Variants in ZNF782 observed in about 807,000 individuals in gnomAD.
ZNF782 encodes the protein zinc finger protein 782.
Under a neutral mutation model 13.0 loss-of-function variants are expected in ZNF782, and 12 were observed. That is an observed-to-expected ratio of 0.92 (90% confidence interval 0.59 to 1.50). The LOEUF (loss-of-function observed/expected upper bound fraction) is 1.50, where lower values mean the gene tolerates loss of function less well. ZNF782 is among the 40% of genes most tolerant of loss of function. The pLI is 0.00. For missense variants in ZNF782, 770 were observed against 822.9 expected (o/e 0.94, Z 0.79); for synonymous variants, 284 against 283.0 (o/e 1.00, Z -0.04).
chr9:96,819,599 C>CCGCAATGT lies in ZNF782; in HGVS notation c.416_423dup (p.Gly142ThrfsTer12). 6.2e-7 allele frequency: 1 copy of CCGCAATGT among 1,613,936 alleles called. No homozygotes were observed. The highest frequency in any genetic ancestry group is 1.1e-5 in the South Asian group (1 of 90,988). ...AGGCTGAGCCCCTGGCAAGCAGACC[C>CCGCAATGT]CGCAATGTCACATTTACAAGGCATC... On this transcript the variant is annotated frameshift_variant, in exon 6 of 6. Transcript: ENST00000481138. LOFTEE classifies it low-confidence loss of function (END_TRUNC).
chr9:96,836,409 T>C (rs111345908), intron 4 of ZNF782, among the ~76,000 whole-genome samples: 25,919 of 151,822 alleles, frequency 0.17, 5,358 homozygotes, highest in African/African-American at 0.48. Flanking sequence ...GGGGTTTCAC[T>C]ATGTTGGTCT....
chr9:96,819,538 G>A lies in ZNF782; in HGVS notation c.485C>T (p.Ala162Val), dbSNP rs567511488. Residue 162 changes from alanine (A) to valine (V), a missense_variant, in exon 6 of 6, where the codon GCT becomes GTT. Ala to Val is a moderately conservative substitution (Grantham distance 64). Coordinates refer to ENST00000481138, the MANE Select transcript of ZNF782 (RefSeq NM_001001662.3). ...APHCQYSKEK[A>V]HERNVCDKWL... Reference sequence around the variant, plus strand: ...TTTGTCACAAACATTACGCTCATGAGCCTTTTCTTTTGAATACTGACAGTG... The same window carrying A: ...TTTGTCACAAACATTACGCTCATGAACCTTTTCTTTTGAATACTGACAGTG... 6.2e-7 allele frequency: 1 copy of A among 1,612,614 alleles called. No homozygotes were observed. The highest frequency in any genetic ancestry group is 8.5e-7 in the Non-Finnish European group (1 of 1,179,538).
At chr9:96,895,378 A>C in the ZNF782 span, 3 of 152,252 alleles carry the variant, frequency 2.0e-5, no homozygotes, top group Non-Finnish European at 4.4e-5. Context: ...TGTTCTGTAT[A>C]AAAAGAAGAA....
the ZNF782 span, chr9:96,910,084 T>G: frequency 3.3e-6 from 2 of 609,706 alleles, no homozygotes; most frequent in South Asian, 2.8e-5. Context: ...CCATGTCAGA[T>G]GCAGCTGTAG....
chr9:96,853,678 T>G (rs1338331167), intron 1 of ZNF782, among the ~76,000 whole-genome samples: 1 of 152,210 alleles, frequency 6.6e-6, no homozygotes, highest in Non-Finnish European at 1.5e-5. Context: ...TCCCTGAGTA[T>G]TTGGGGACAT....
the ZNF782 span, among the ~76,000 whole-genome samples, chr9:96,927,109 A>AT: frequency 6.6e-6 from 1 of 152,102 alleles, no homozygotes; most frequent in Admixed American, 6.5e-5. Context: ...GAGAATGAAG[A>AT]TTTTTTTAAA....
chr9:96,925,365 C>T, the ZNF782 span, among the ~76,000 whole-genome samples: 2 of 151,972 alleles, frequency 1.3e-5, no homozygotes, highest in African/African-American at 4.8e-5. Flanking sequence ...TGACCGGGCG[C>T]GGTGGCTCAC....
At chr9:96,821,364 G>C (rs1850409906) in intron 5 of ZNF782, among the ~76,000 whole-genome samples, 2 of 152,120 alleles carry the variant, frequency 1.3e-5, no homozygotes, top group South Asian at 4.1e-4. Context: ...TTTAGCCTTA[G>C]ACCTATGTAG....
chr9:96,880,268 A>G (rs188718618), upstream of ZNF782, among the ~76,000 whole-genome samples: 1 of 149,706 alleles, frequency 6.7e-6, no homozygotes, highest in East Asian at 2.0e-4. Flanking sequence ...CAATTTGTAT[A>G]GCTTTTCTTT....
rs1851500763 is a variant in ZNF782 at position 96,851,935 on chromosome 9, T to C, written c.15+12A>G. 1 of 1,613,672 alleles carries C rather than the reference T, an allele frequency of 6.2e-7. No individual in the cohort carries two copies. Among genetic ancestry groups the C allele is most frequent in the South Asian group, 1.1e-5 (1 of 91,072 alleles). ...ATTACAATACAAAGTGGGGAATGAA[T>C]AAAAAGCTTACCTGAAATGTGTTCA... On this transcript the variant is annotated intron_variant, in intron 3 of 5. Coordinates refer to ENST00000481138, the MANE Select transcript of ZNF782 (RefSeq NM_001001662.3).
chr9:96,865,678 C>G (rs1851747274), intron 1 of ZNF782, among the ~76,000 whole-genome samples: 1 of 152,106 alleles, frequency 6.6e-6, no homozygotes, highest in Admixed American at 6.5e-5. Flanking sequence ...GAGGTTGGAA[C>G]AGTTTGGAGG....
At chr9:96,924,659 C>CAT in the ZNF782 span, among the ~76,000 whole-genome samples, 4 of 149,928 alleles carry the variant, frequency 2.7e-5, no homozygotes, top group African/African-American at 9.9e-5. Context: ...CTTCACAACT[C>CAT]ACTCAATGAG....
chr9:96,894,939 G>A, the ZNF782 span: 1 of 152,178 alleles, frequency 6.6e-6, no homozygotes, highest in African/African-American at 2.4e-5. Context: ...GCCCAAGCAG[G>A]CTTCAAACTC....
In ZNF782 at chr9:96,844,836, A is replaced by G; in HGVS notation, c.142+54T>C. 4 of 1,612,830 alleles carry G rather than the reference A, an allele frequency of 2.5e-6. No individual in the cohort carries two copies. The South Asian group carries it at 3.3e-5, about 13-fold the overall frequency. The stretch of plus-strand genomic sequence containing the variant: ...TGGTACGGTATGGAGAGAGAGAAAG[A>G]GAGGAGAAACAGAACTGCACTCTGG... On this transcript the variant is annotated intron_variant, in intron 4 of 5. Transcript: ENST00000481138.
the ZNF782 span, chr9:96,903,160 C>T: frequency 6.6e-6 from 1 of 151,398 alleles, no homozygotes; most frequent in African/African-American, 2.4e-5. Flanking sequence ...AATGCAGATA[C>T]AAAAGAGCTC....
In ZNF782 at chr9:96,827,081, T is replaced by C. The variant is rs769494333; in HGVS notation, c.243A>G (p.Pro81=). 3.9e-5 allele frequency: 62 copies of C among 1,602,824 alleles called. No individual in the cohort carries two copies. The highest frequency in any genetic ancestry group is 5.2e-5 in the Non-Finnish European group (61 of 1,172,040). ...TTCTTGTTGAATTCAGTAACTCACC[T>C]GGGGAGTTCCTGCTTAGAAATCCTT... ...KEKGFLSRNS[P]EDSQPDEISE... The change falls in exon 5 of 6, where the codon CCA becomes CCG. Residue 81 remains proline (P), a splice_region_variant and synonymous_variant. Coordinates refer to ENST00000481138, the MANE Select transcript of ZNF782 (RefSeq NM_001001662.3).
At chr9:96,845,478 C>G (rs1055253265) in intron 3 of ZNF782, among the ~76,000 whole-genome samples, 1 of 152,108 alleles carries the variant, frequency 6.6e-6, no homozygotes. Flanking sequence ...AGGATGGTCT[C>G]GATCTCCTTA....
At chr9:96,873,238 A>C (rs1851848812) in intron 1 of ZNF782, among the ~76,000 whole-genome samples, 1 of 152,242 alleles carries the variant, frequency 6.6e-6, no homozygotes, top group African/African-American at 2.4e-5. Flanking sequence ...GCAGACTAGA[A>C]TCAGTGATCT....
intron 5 of ZNF782, 84 bp from the exon 6 acceptor site, chr9:96,819,862 T>C: frequency 9.1e-7 from 1 of 1,095,938 alleles, no homozygotes; most frequent in Non-Finnish European, 1.2e-6. Context: ...ATATGCCCTA[T>C]TATGTATTTG....
Sources: allele counts gnomAD v4.1 joint callset (sites outside exome capture counted in the v4.1 genomes callset), GRCh38; gene constraint gnomAD v4.1.1; transcripts MANE v1.5; gene names NCBI Gene and HGNC (gene_info 2026-07-23, HGNC 2026-07-21).